The following PPFIA2 variants were observed in gnomAD, a reference collection of about 807,000 sequenced individuals.
PPFIA2 encodes the protein PPFI scaffold protein A2.
PPFIA2 carries 46 observed loss-of-function variants against 175.5 expected under a neutral mutation model. The ratio of observed to expected loss-of-function variants is 0.26; its 90% CI spans 0.21 to 0.34. PPFIA2 has a LOEUF of 0.34. Ranked by LOEUF, PPFIA2 falls within the 10% of genes least tolerant of loss-of-function variation. PPFIA2 has a pLI of 1.00. For missense variants in PPFIA2, 1,179 were observed against 1,506.1 expected (o/e 0.78, Z 3.60); for synonymous variants, 568 against 511.4 (o/e 1.11, Z -1.49).
intron 3 of PPFIA2, among the ~76,000 whole-genome samples, chr12:81,697,811 C>G (rs2076059893): frequency 6.6e-6 from 1 of 152,070 alleles, no homozygotes; most frequent in African/African-American, 2.4e-5. Context: ...GGCTCTCTCT[C>G]AATAAGTAGA....
At chr12:81,519,585 C>T (rs747201442) in intron 4 of PPFIA2, among the ~76,000 whole-genome samples, 7 of 152,148 alleles carry the variant, frequency 4.6e-5, no homozygotes, top group Non-Finnish European at 8.8e-5. Flanking sequence ...ATGTCGCTTC[C>T]GCTACTATAA....
intron 7 of PPFIA2, among the ~76,000 whole-genome samples, chr12:81,437,257 T>G (rs554148746): frequency 6.6e-6 from 1 of 152,212 alleles, no homozygotes; most frequent in African/African-American, 2.4e-5. Context: ...TGAGACAGAG[T>G]CTGGCTGTGT....
intron 22 of PPFIA2, among the ~76,000 whole-genome samples, chr12:81,316,794 A>G (rs2052462139): frequency 6.6e-6 from 1 of 151,558 alleles, no homozygotes; most frequent in African/African-American, 2.4e-5. Context: ...TTCTTCATTC[A>G]CTCCCTATAT....
chr12:81,689,177 T>C (rs2074914518), intron 3 of PPFIA2, among the ~76,000 whole-genome samples: 1 of 151,764 alleles, frequency 6.6e-6, no homozygotes, highest in African/African-American at 2.4e-5. Context: ...GCAAAATTTG[T>C]GAAAGGAAGT....
chr12:81,409,487 G>A (rs1232373939), intron 7 of PPFIA2, among the ~76,000 whole-genome samples: 2 of 152,010 alleles, frequency 1.3e-5, no homozygotes, highest in African/African-American at 4.8e-5. Context: ...ATAAAAGGAT[G>A]GAGTTTGCCC....
intron 7 of PPFIA2, among the ~76,000 whole-genome samples, chr12:81,438,383 G>T (rs1256810192): frequency 6.6e-6 from 1 of 152,158 alleles, no homozygotes; most frequent in Non-Finnish European, 1.5e-5. Context: ...CAGTAGAATT[G>T]CTTGAACCCA....
chr12:81,758,609 C>T (rs539344979), intron 1 of PPFIA2, 102 bp from the exon 2 acceptor site: 34 of 349,800 alleles, frequency 9.7e-5, no homozygotes, highest in African/African-American at 2.4e-4. Flanking sequence ...GGCATCTTCC[C>T]GTGGCTCCGT....
At position 81,581,884 on chromosome 12, in the gene PPFIA2, T is replaced by C. The variant is rs2074468812; in HGVS notation, c.303+94907A>G. On this transcript the variant is annotated intron_variant, in intron 4 of 32. Transcript: ENST00000549396. Reference sequence around the variant, plus strand: ...GCCTCAACTGAATGGTGTTTTAAAATGTATAAAATGCCTTCCAATATATTT... The same window carrying C: ...GCCTCAACTGAATGGTGTTTTAAAACGTATAAAATGCCTTCCAATATATTT... 2.6e-5 allele frequency among the ~76,000 whole-genome samples: 4 copies of C among 152,042 alleles called. No individual in the cohort carries two copies. The South Asian group carries it at 8.3e-4, about 32-fold the overall frequency.
chr12:81,574,649 T>A (rs1466750997), intron 4 of PPFIA2, among the ~76,000 whole-genome samples: 1 of 151,602 alleles, frequency 6.6e-6, no homozygotes, highest in African/African-American at 2.4e-5. Flanking sequence ...ATAACACAGG[T>A]GTAAATAAAA....
At chr12:81,659,708 T>C (rs933692396) in intron 4 of PPFIA2, among the ~76,000 whole-genome samples, 1 of 152,152 alleles carries the variant, frequency 6.6e-6, no homozygotes, top group East Asian at 1.9e-4. Context: ...AAGACAGTAC[T>C]GGTTCTCCCA....
chr12:81,753,868 T>G, intron 3 of PPFIA2, 105 bp downstream of exon 3: 2 of 1,381,766 alleles, frequency 1.4e-6, no homozygotes, highest in Non-Finnish European at 2.0e-6. Context: ...AAAACGTGTG[T>G]ATCACATATG....
At chr12:81,459,714 C>T (rs768418158) in intron 4 of PPFIA2, among the ~76,000 whole-genome samples, 5 of 152,088 alleles carry the variant, frequency 3.3e-5, no homozygotes, top group South Asian at 2.1e-4. Flanking sequence ...ACAGAAAGCT[C>T]GGCCTTTTTT....
intron 7 of PPFIA2, among the ~76,000 whole-genome samples, chr12:81,420,929 C>G (rs777043992): frequency 6.6e-6 from 1 of 151,710 alleles, no homozygotes; most frequent in Non-Finnish European, 1.5e-5. Context: ...AAAAAAGCAA[C>G]TCATTATGTG....
chr12:81,644,863 A>G (rs1251968302), intron 4 of PPFIA2, among the ~76,000 whole-genome samples: 2 of 152,072 alleles, frequency 1.3e-5, no homozygotes, highest in East Asian at 1.9e-4. Flanking sequence ...TTTTCATTTG[A>G]TTTTTATTTT....
At chr12:81,303,682 G>A (rs1035243627) in intron 22 of PPFIA2, among the ~76,000 whole-genome samples, 4 of 152,102 alleles carry the variant, frequency 2.6e-5, no homozygotes, top group African/African-American at 9.7e-5. Context: ...TGAATAATTT[G>A]CAAGTCCGTA....
chr12:81,396,789 C>A (rs1483138976), intron 8 of PPFIA2, among the ~76,000 whole-genome samples: 3 of 151,858 alleles, frequency 2.0e-5, no homozygotes, highest in Non-Finnish European at 4.4e-5. Flanking sequence ...GCAGAGAGAC[C>A]TCATAAAAAG....
chr12:81,468,538 T>C (rs1182167926), intron 4 of PPFIA2, among the ~76,000 whole-genome samples: 1 of 152,220 alleles, frequency 6.6e-6, no homozygotes, highest in Non-Finnish European at 1.5e-5. Context: ...AGGTAACACC[T>C]GCTGTGGCAA....
intron 7 of PPFIA2, among the ~76,000 whole-genome samples, chr12:81,424,298 A>G (rs948515476): frequency 6.6e-6 from 1 of 152,076 alleles, no homozygotes; most frequent in Non-Finnish European, 1.5e-5. Context: ...GTTTCCATGT[A>G]TTTAGGACAT....
chr12:81,296,008 C>G (rs189187639), intron 23 of PPFIA2, among the ~76,000 whole-genome samples: 51 of 148,130 alleles, frequency 3.4e-4, no homozygotes, highest in Admixed American at 7.4e-4. Flanking sequence ...CAAAAGAAAA[C>G]AACAACAAAA....
Sources: gnomAD v4.1 joint callset for allele counts (sites outside exome capture counted in the v4.1 genomes callset) on GRCh38, gnomAD v4.1.1 for gene constraint, MANE v1.5 for transcripts, NCBI Gene and HGNC (gene_info 2026-07-23, HGNC 2026-07-21) for gene names.